Variants in HDAC8 observed in about 807,000 individuals in gnomAD.
HDAC8 encodes histone deacetylase 8.
In HDAC8, 1 loss-of-function variant was observed where a neutral mutation model predicts 32.2. The observed-to-expected ratio is 0.03, with a 90% CI of 0.01 to 0.15. The LOEUF (loss-of-function observed/expected upper bound fraction) is 0.15. Among genes scored for constraint, HDAC8 ranks in the 10% least tolerant of loss-of-function variants. The probability of loss-of-function intolerance (pLI) is 1.00; values close to 1 mark genes in which losing one functional copy is unlikely to be tolerated. For synonymous variants in HDAC8, 108 were observed against 113.9 expected, an observed-to-expected ratio of 0.95 and a Z score of 0.33; for missense variants, 117 against 300.0, an observed-to-expected ratio of 0.39 and a Z score of 4.51.
chrX:72,555,668 A>G (rs1233378396), intron 4 of HDAC8, among the ~76,000 whole-genome samples: 1 of 112,584 alleles, frequency 8.9e-6, no homozygotes, highest in Non-Finnish European at 1.9e-5. Context: ...GAGCTCAAAG[A>G]CAAGGCTTTT....
chrX:72,510,779 G>A (rs1275238350), intron 4 of HDAC8, among the ~76,000 whole-genome samples: 1 of 111,787 alleles, frequency 8.9e-6, no homozygotes, highest in African/African-American at 3.3e-5. Context: ...TTTTCTGGCT[G>A]TAAGCTTCTT....
At chrX:72,526,521 T>C (rs1211493039) in intron 4 of HDAC8, among the ~76,000 whole-genome samples, 2 of 111,554 alleles carry the variant, frequency 1.8e-5, no homozygotes, top group Non-Finnish European at 3.8e-5. Flanking sequence ...TAATTCACCT[T>C]TGTAACTCCA....
chrX:72,508,351 CA>C (rs1410078561), intron 4 of HDAC8, among the ~76,000 whole-genome samples: 1 of 112,038 alleles, frequency 8.9e-6, no homozygotes, highest in African/African-American at 3.2e-5. Flanking sequence ...AATAAATTTT[CA>C]CAAAAACCCT....
chrX:72,543,903 TA>T (rs1371598021), intron 4 of HDAC8, among the ~76,000 whole-genome samples: 1 of 112,747 alleles, frequency 8.9e-6, no homozygotes, highest in Non-Finnish European at 1.9e-5. Context: ...CTGCAGATCC[TA>T]TTAGAATGGG....
intron 7 of HDAC8, among the ~76,000 whole-genome samples, chrX:72,472,585 G>C (rs1391202848): frequency 8.9e-6 from 1 of 111,771 alleles, no homozygotes; most frequent in Admixed American, 9.5e-5. Flanking sequence ...TTTGTTGTAA[G>C]TTTTAAAGTT....
chrX:72,537,365 G>A (rs781925966), intron 4 of HDAC8, among the ~76,000 whole-genome samples: 5 of 112,032 alleles, frequency 4.5e-5, no homozygotes, highest in Non-Finnish European at 7.5e-5. Context: ...TTCATATTTT[G>A]TACTATTACA....
chrX:72,483,107 C>T (rs1182175916), intron 7 of HDAC8, among the ~76,000 whole-genome samples: 1 of 111,956 alleles, frequency 8.9e-6, no homozygotes, highest in Non-Finnish European at 1.9e-5. Flanking sequence ...GATACACACA[C>T]AAGAATGCAT....
intron 9 of HDAC8, among the ~76,000 whole-genome samples, chrX:72,430,001 C>T (rs992390114): frequency 4.5e-5 from 5 of 112,166 alleles, no homozygotes; most frequent in African/African-American, 1.6e-4. Flanking sequence ...AAACAGGCTG[C>T]TCTCATTTCT....
intron 9 of HDAC8, among the ~76,000 whole-genome samples, chrX:72,395,620 T>TC (rs1286890352): frequency 1.8e-5 from 2 of 112,049 alleles, no homozygotes; most frequent in Admixed American, 1.9e-4. Flanking sequence ...GAAAGTTTTT[T>TC]CCCCCTCAAA....
chrX:72,441,533 C>A (rs1032657713), intron 9 of HDAC8, among the ~76,000 whole-genome samples: 1 of 111,753 alleles, frequency 8.9e-6, no homozygotes, highest in African/African-American at 3.3e-5. Context: ...AAAAACCCAT[C>A]TTTACATCAC....
At chrX:72,345,839 A>G (rs2044012432) in intron 10 of HDAC8, among the ~76,000 whole-genome samples, 1 of 110,255 alleles carries the variant, frequency 9.1e-6, no homozygotes, top group Non-Finnish European at 1.9e-5. Flanking sequence ...ATACAACCAC[A>G]TCCGGCTAAT....
Position 72,329,577 on chromosome X carries a change from G to A in HDAC8, c.*477C>T. 2 of 922,549 alleles carry A rather than the reference G, an allele frequency of 2.2e-6. No homozygotes were observed. The highest frequency in any genetic ancestry group is 6.8e-5 in the East Asian group (2 of 29,538). The allele number at this position is 922,549 out of a possible 1,213,427, so 76.0% of individuals were successfully genotyped here. A position where few individuals can be genotyped will look rare whatever the true frequency, so the allele number is the denominator to read the frequency against. On this transcript the variant is annotated 3_prime_UTR_variant, in exon 11 of 11. Coordinates refer to ENST00000373573, the MANE Select transcript of HDAC8 (RefSeq NM_018486.3). ...ATATAACACTAAAACAACACCAGCG[G>A]ACTTCTCCCCACCTCCCAGTCTGCT...
At chrX:72,429,666 C>G (rs1555976829) in intron 9 of HDAC8, among the ~76,000 whole-genome samples, 2 of 112,390 alleles carry the variant, frequency 1.8e-5, no homozygotes, top group African/African-American at 6.5e-5. Flanking sequence ...GTCCTTTAAG[C>G]CAGCACAGCT....
intron 9 of HDAC8, among the ~76,000 whole-genome samples, chrX:72,457,993 TAC>T (rs782161512): frequency 5.5e-5 from 6 of 108,267 alleles, no homozygotes; most frequent in African/African-American, 6.7e-5. Context: ...CACATATACA[TAC>T]ACACACACAC....
intron 9 of HDAC8, among the ~76,000 whole-genome samples, chrX:72,457,987 T>TATAC (rs1350648475): frequency 8.1e-5 from 9 of 111,397 alleles, no homozygotes; most frequent in Non-Finnish European, 1.7e-4. Context: ...ATGATACACA[T>TATAC]ATACATACAC....
chrX:72,421,056 A>G (rs2046474322), intron 9 of HDAC8, among the ~76,000 whole-genome samples: 1 of 109,643 alleles, frequency 9.1e-6, no homozygotes, highest in Non-Finnish European at 1.9e-5. Context: ...TTACTGTCTT[A>G]TTTTGTATTT....
At chrX:72,511,290 C>T (rs1320049344) in intron 4 of HDAC8, among the ~76,000 whole-genome samples, 1 of 111,694 alleles carries the variant, frequency 9.0e-6, no homozygotes, top group African/African-American at 3.3e-5. Flanking sequence ...ATTTTCACCT[C>T]TCATTTAATG....
At chrX:72,552,289 C>T (rs1200990226) in intron 4 of HDAC8, among the ~76,000 whole-genome samples, 2 of 109,016 alleles carry the variant, frequency 1.8e-5, no homozygotes, top group African/African-American at 6.7e-5. Context: ...TAAGGAGACC[C>T]CATCTCTACA....
At chrX:72,346,407 A>G (rs2044029394) in intron 10 of HDAC8, among the ~76,000 whole-genome samples, 1 of 112,169 alleles carries the variant, frequency 8.9e-6, no homozygotes, top group East Asian at 2.8e-4. Flanking sequence ...CCAAGTTTCC[A>G]TGGTATAGAG....
Sources: gnomAD v4.1 joint callset for allele counts (sites outside exome capture counted in the v4.1 genomes callset) on GRCh38, gnomAD v4.1.1 for gene constraint, MANE v1.5 for transcripts, NCBI Gene and HGNC (gene_info 2026-07-23, HGNC 2026-07-21) for gene names.